The following AKAP19 variants were observed in gnomAD, a reference collection of about 807,000 sequenced individuals.
AKAP19 encodes the protein small A-kinase anchoring protein.
chr2:190,172,886 G>A, the AKAP19 span, among the ~76,000 whole-genome samples: 3 of 152,278 alleles, frequency 2.0e-5, no homozygotes, highest in South Asian at 6.2e-4. Flanking sequence ...GCTGAGGCGT[G>A]CCGATCACCT....
the AKAP19 span, among the ~76,000 whole-genome samples, chr2:190,186,118 A>AT: frequency 0.049 from 7,405 of 152,020 alleles, 610 homozygotes; most frequent in African/African-American, 0.17. This position sits in a 1 kb window ranked among gnomAD's most constrained non-coding sequence, Gnocchi z 5.5. Flanking sequence ...CACCTGGCTG[A>AT]TTTTTTTAGT....
At chr2:190,198,501 C>T in the AKAP19 span, among the ~76,000 whole-genome samples, 1 of 151,770 alleles carries the variant, frequency 6.6e-6, no homozygotes, top group Non-Finnish European at 1.5e-5. Context: ...GGCATGGTGA[C>T]TTGTGCCTGC....
the AKAP19 span, among the ~76,000 whole-genome samples, chr2:190,100,496 G>T: frequency 1.3e-5 from 2 of 152,082 alleles, no homozygotes; most frequent in Non-Finnish European, 2.9e-5. Flanking sequence ...TAATGAGTAG[G>T]TCATAGTCAA....
chr2:190,163,463 A>C, the AKAP19 span, among the ~76,000 whole-genome samples: 1 of 150,904 alleles, frequency 6.6e-6, no homozygotes, highest in Non-Finnish European at 1.5e-5. Context: ...AACAAAAAAA[A>C]AAAAAACTGA....
At chr2:190,043,399 C>CT in the AKAP19 span, among the ~76,000 whole-genome samples, 1 of 152,012 alleles carries the variant, frequency 6.6e-6, no homozygotes, top group Admixed American at 6.6e-5. Flanking sequence ...CCTTTTTATT[C>CT]TTTTTTCTTT....
chr2:190,143,478 C>T, the AKAP19 span, among the ~76,000 whole-genome samples: 78,636 of 151,842 alleles, frequency 0.52, 20,963 homozygotes, highest in Middle Eastern at 0.64. Context: ...TCACATTACA[C>T]CTTGTGTATA....
the AKAP19 span, among the ~76,000 whole-genome samples, chr2:189,905,780 T>C: frequency 1.3e-5 from 2 of 152,026 alleles, no homozygotes; most frequent in Non-Finnish European, 2.9e-5. Context: ...TTTAGGAAGA[T>C]AATTTTTACA....
At chr2:190,135,948 T>G in the AKAP19 span, among the ~76,000 whole-genome samples, 1 of 152,156 alleles carries the variant, frequency 6.6e-6, no homozygotes, top group African/African-American at 2.4e-5. Flanking sequence ...AGTGGGAATT[T>G]GGAACAGTTT....
chr2:189,884,067 A>G, the AKAP19 span, among the ~76,000 whole-genome samples: 1 of 152,108 alleles, frequency 6.6e-6, no homozygotes, highest in South Asian at 2.1e-4. Flanking sequence ...TTTAATTTTG[A>G]ACTTATTTGA....
the AKAP19 span, chr2:190,180,734 C>A: frequency 4.1e-6 from 4 of 985,242 alleles, no homozygotes; most frequent in African/African-American, 7.0e-5. The surrounding 1 kb of genome is among the most constrained non-coding windows in gnomAD (Gnocchi z 6.8). Context: ...TGGAGCCGAG[C>A]GCCCTTGGGC....
At chr2:190,114,859 A>AT in the AKAP19 span, among the ~76,000 whole-genome samples, 3 of 151,856 alleles carry the variant, frequency 2.0e-5, no homozygotes, top group African/African-American at 4.8e-5. Context: ...CCTAATTTGT[A>AT]TTTTTTTAAT....
the AKAP19 span, among the ~76,000 whole-genome samples, chr2:190,198,988 G>A: frequency 6.6e-6 from 1 of 152,172 alleles, no homozygotes. Context: ...CAATTTCACA[G>A]GGAACAGTCA....
chr2:189,993,308 A>G, the AKAP19 span, among the ~76,000 whole-genome samples: 1 of 152,220 alleles, frequency 6.6e-6, no homozygotes, highest in South Asian at 2.1e-4. Context: ...TATGTGATAT[A>G]TCACATTTAT....
At chr2:190,012,436 T>C in the AKAP19 span, among the ~76,000 whole-genome samples, 2 of 152,262 alleles carry the variant, frequency 1.3e-5, no homozygotes, top group Non-Finnish European at 2.9e-5. Context: ...GTTGTTAGTG[T>C]ATAGAAATGC....
the AKAP19 span, among the ~76,000 whole-genome samples, chr2:189,931,801 T>G: frequency 4.6e-5 from 7 of 152,014 alleles, no homozygotes; most frequent in African/African-American, 1.2e-4. Flanking sequence ...TGTAATTTTT[T>G]GGGGAGAGAT....
At chr2:190,093,913 T>C in the AKAP19 span, among the ~76,000 whole-genome samples, 1 of 152,228 alleles carries the variant, frequency 6.6e-6, no homozygotes, top group Non-Finnish European at 1.5e-5. Flanking sequence ...ACTCACCCAC[T>C]CACCTCCAAC....
the AKAP19 span, among the ~76,000 whole-genome samples, chr2:190,061,742 T>C: frequency 6.6e-6 from 1 of 152,030 alleles, no homozygotes; most frequent in Non-Finnish European, 1.5e-5. Flanking sequence ...AAAAAATTAC[T>C]GAGAGAGTTT....
the AKAP19 span, among the ~76,000 whole-genome samples, chr2:189,909,795 G>C: frequency 1.3e-5 from 2 of 152,044 alleles, no homozygotes; most frequent in African/African-American, 4.8e-5. Flanking sequence ...ATGGTAAGGT[G>C]TAATATTTAC....
chr2:190,100,643 G>A, the AKAP19 span, among the ~76,000 whole-genome samples: 1 of 152,184 alleles, frequency 6.6e-6, no homozygotes. Context: ...GCACAGGGGT[G>A]AAGGAAGGAT....
Sources: gnomAD v4.1 joint callset for allele counts (sites outside exome capture counted in the v4.1 genomes callset) on GRCh38, gnomAD v4.1.1 for gene constraint, Gnocchi (gnomAD v3.1) non-coding constraint, MANE v1.5 for transcripts, NCBI Gene and HGNC (gene_info 2026-07-23, HGNC 2026-07-21) for gene names.